Variants in WDR41 observed in about 807,000 individuals in gnomAD.
The protein encoded by WDR41 is WD repeat-containing protein 41.
In WDR41, 63 loss-of-function variants were observed where a neutral mutation model predicts 69.3. That is an observed-to-expected ratio of 0.91 (90% confidence interval 0.74 to 1.12). WDR41 has a LOEUF of 1.12. Among genes scored for constraint, WDR41 ranks in the 50% most tolerant of loss-of-function variants. The pLI is 0.00. For synonymous variants in WDR41, 185 were observed against 192.1 expected (o/e 0.96, Z 0.31); for missense variants, 543 against 534.5 (o/e 1.02, Z -0.16).
intron 1 of WDR41, among the ~76,000 whole-genome samples, chr5:77,547,517 A>ACAG (rs1434640596): frequency 6.6e-6 from 1 of 151,560 alleles, no homozygotes; most frequent in Middle Eastern, 3.2e-3. Flanking sequence ...AACCCCTTTT[A>ACAG]CAGTAGCTAC....
chr5:77,469,442 C>A (rs867381693), intron 2 of WDR41, among the ~76,000 whole-genome samples: 11 of 152,290 alleles, frequency 7.2e-5, no homozygotes, highest in African/African-American at 2.4e-4. Flanking sequence ...TGTCATCTAA[C>A]ATGCACCTCT....
chr5:77,579,788 C>G (rs978438994), intron 1 of WDR41, among the ~76,000 whole-genome samples: 1 of 152,136 alleles, frequency 6.6e-6, no homozygotes, highest in African/African-American at 2.4e-5. Flanking sequence ...ATATTTTCCC[C>G]TTTCTTATCT....
rs1487357127 is a variant in WDR41, at chr5:77,449,704, C to T, written c.697+56G>A. The stretch of plus-strand genomic sequence containing the variant: ...AACTAAGCAAGGCTCGTGTTCAGAG[C>T]AGGTTGTGTTAACAAGCACAAAACT... On this transcript the variant is annotated intron_variant, in intron 8 of 12. Coordinates refer to ENST00000296679, the MANE Select transcript of WDR41 (RefSeq NM_018268.4). 8 of 1,138,694 alleles carry T rather than the reference C, an allele frequency of 7.0e-6. No homozygotes were observed. The East Asian group carries it at 1.9e-4, about 27-fold the overall frequency. 70.5% of individuals were successfully genotyped at this position (1,138,694 alleles called of 1,614,324 possible). A position where few individuals can be genotyped will look rare whatever the true frequency, so the allele number is the denominator to read the frequency against.
At chr5:77,539,628 G>C (rs1253037669) in intron 1 of WDR41, among the ~76,000 whole-genome samples, 1 of 152,016 alleles carries the variant, frequency 6.6e-6, no homozygotes, top group Admixed American at 6.5e-5. Context: ...ACTGCTGCAT[G>C]TGGCTGAGGA....
chr5:77,513,626 T>C (rs745678651), intron 1 of WDR41, among the ~76,000 whole-genome samples: 2 of 152,234 alleles, frequency 1.3e-5, no homozygotes, highest in Non-Finnish European at 2.9e-5. Flanking sequence ...GCCAAGATTT[T>C]CTAAACCAGC....
In WDR41 at chr5:77,430,943, T is replaced by G. The variant is rs1190358601; in HGVS notation, c.*2192A>C. ...GCCTGAAGATGTGAATGAATTGCTG[T>G]AATCTCATGATCAAACTTTAATAGA... is the stretch of plus-strand genomic sequence containing the variant. On this transcript the variant is annotated 3_prime_UTR_variant, in exon 13 of 13. Transcript: ENST00000296679. 2.0e-5 allele frequency: 3 copies of G among 152,096 alleles called. 1 individual carries two copies. The highest frequency in any genetic ancestry group is 4.4e-5 in the Non-Finnish European group (3 of 68,016). 9.4% of individuals were successfully genotyped at this position (152,096 alleles called of 1,614,324 possible).
rs1580057788 is a variant in WDR41, at chr5:77,620,413, G to T, written c.42+66C>A. On this transcript the variant is annotated intron_variant, in intron 1 of 5. Transcript: ENST00000509971. The stretch of plus-strand genomic sequence containing the variant: ...TAGGGGAAAAGAATTTGAAAGATAA[G>T]GTCCTATGACCCTGAAAATATTGGG... The T allele has an allele frequency of 3.6e-5, 16 of 449,220 alleles. 1 individual carries two copies. The highest frequency in any genetic ancestry group is 2.5e-4 in the South Asian group (16 of 63,438). 27.8% of individuals were successfully genotyped at this position (449,220 alleles called of 1,614,324 possible).
intron 5 of WDR41, among the ~76,000 whole-genome samples, 163 bp from the exon 6 acceptor site, chr5:77,454,091 C>T (rs1799732788): frequency 6.6e-6 from 1 of 152,100 alleles, no homozygotes; most frequent in African/African-American, 2.4e-5. Context: ...TAGCTTCTAC[C>T]AAACAGATTC....
At chr5:77,569,140 A>C (rs1743687602) in intron 1 of WDR41, among the ~76,000 whole-genome samples, 1 of 152,188 alleles carries the variant, frequency 6.6e-6, no homozygotes, top group Admixed American at 6.5e-5. Flanking sequence ...GTTTTTAAAA[A>C]AGAAAAATGT....
chr5:77,569,879 A>G (rs2112271763), intron 1 of WDR41, among the ~76,000 whole-genome samples: 1 of 152,304 alleles, frequency 6.6e-6, no homozygotes, highest in South Asian at 2.1e-4. Flanking sequence ...ACTGGGGTGA[A>G]TGGCACAGCA....
At chr5:77,527,027 T>C (rs1033585997) in intron 1 of WDR41, among the ~76,000 whole-genome samples, 3 of 152,056 alleles carry the variant, frequency 2.0e-5, no homozygotes, top group Non-Finnish European at 4.4e-5. Context: ...AAATTTTCTC[T>C]ATACTTATGA....
intron 1 of WDR41, among the ~76,000 whole-genome samples, chr5:77,574,310 T>TA (rs1561228338): frequency 6.6e-6 from 1 of 151,368 alleles, no homozygotes; most frequent in African/African-American, 2.4e-5. Context: ...AATAAATAAA[T>TA]AATAAATAAA....
intron 1 of WDR41, chr5:77,545,562 C>A: frequency 3.7e-6 from 1 of 271,052 alleles, no homozygotes; most frequent in Non-Finnish European, 7.1e-6. Context: ...GGATGCCCAT[C>A]ACCAAGCTGG....
intron 1 of WDR41, among the ~76,000 whole-genome samples, chr5:77,574,901 G>A (rs1277711810): frequency 1.3e-5 from 2 of 152,074 alleles, no homozygotes; most frequent in Non-Finnish European, 2.9e-5. Flanking sequence ...TAAACATAAA[G>A]GACATAGAGT....
At chr5:77,494,981 A>C (rs547178421), upstream of WDR41, among the ~76,000 whole-genome samples, 5 of 152,308 alleles carry the variant, frequency 3.3e-5, no homozygotes, top group African/African-American at 1.2e-4. Context: ...AATCAGTGAC[A>C]GAAGTAAAAC....
At chr5:77,459,225 A>C in intron 4 of WDR41, 101 bp from the exon 5 acceptor site, 1 of 823,956 alleles carries the variant, frequency 1.2e-6, no homozygotes, top group Non-Finnish European at 1.9e-6. Flanking sequence ...CAGTTAGAAA[A>C]TCTTTAAATC....
chr5:77,437,493 A>T, intron 10 of WDR41, 69 bp from the exon 11 acceptor site: 1 of 1,377,200 alleles, frequency 7.3e-7, no homozygotes, highest in Non-Finnish European at 1.0e-6. Context: ...ATTTGCAGTG[A>T]AAGAAATCAG....
At chr5:77,496,220 C>A (rs556931889), upstream of WDR41, among the ~76,000 whole-genome samples, 1 of 152,148 alleles carries the variant, frequency 6.6e-6, no homozygotes, top group Admixed American at 6.5e-5. Context: ...AGAAAGATGT[C>A]CTCTTTGACC....
chr5:77,434,113 T>G (rs1181202970), intron 12 of WDR41, among the ~76,000 whole-genome samples: 1 of 152,120 alleles, frequency 6.6e-6, no homozygotes, highest in Non-Finnish European at 1.5e-5. Context: ...GTGGACTGCC[T>G]GAGGTCAGGA....
Sources: allele counts gnomAD v4.1 joint callset (sites outside exome capture counted in the v4.1 genomes callset), GRCh38; gene constraint gnomAD v4.1.1; transcripts MANE v1.5; gene names NCBI Gene and HGNC (gene_info 2026-07-23, HGNC 2026-07-21).